ADGRL3: variants seen among roughly 807,000 people sequenced by gnomAD.
ADGRL3 encodes the protein adhesion G protein-coupled receptor L3, also known as calcium-independent alpha-latrotoxin receptor 3.
ADGRL3 carries 62 observed loss-of-function variants against 153.5 expected under a neutral mutation model. The ratio of observed to expected loss-of-function variants is 0.40; its 90% CI spans 0.33 to 0.50. ADGRL3 has a LOEUF of 0.50. ADGRL3 is among the 20% of genes least tolerant of loss of function. The probability of loss-of-function intolerance (pLI) is 0.47; values close to 1 mark genes in which losing one functional copy is unlikely to be tolerated. For missense variants in ADGRL3, 1,641 were observed against 1,859.4 expected, an observed-to-expected ratio of 0.88 and a Z score of 2.16; for synonymous variants, 710 against 672.5, an observed-to-expected ratio of 1.06 and a Z score of -0.86.
chr4:61,515,842 A>T (rs1416677256), intron 3 of ADGRL3, among the ~76,000 whole-genome samples: 1 of 152,180 alleles, frequency 6.6e-6, no homozygotes, highest in African/African-American at 2.4e-5. Context: ...GGGATATCTT[A>T]GGAGCCAAAA....
intron 2 of ADGRL3, among the ~76,000 whole-genome samples, chr4:61,446,453 T>C (rs887815754): frequency 7.2e-5 from 11 of 152,216 alleles, no homozygotes; most frequent in African/African-American, 2.7e-4. Context: ...GTTTTAAGAA[T>C]GTATGGTTCC....
At chr4:61,854,451 C>A (rs182752910) in intron 9 of ADGRL3, among the ~76,000 whole-genome samples, 10 of 152,202 alleles carry the variant, frequency 6.6e-5, no homozygotes, top group Admixed American at 5.2e-4. Flanking sequence ...ACTAAAAGAT[C>A]TCTCATGAAA....
intron 2 of ADGRL3, among the ~76,000 whole-genome samples, chr4:61,408,216 T>C (rs2097029275): frequency 6.6e-6 from 1 of 152,110 alleles, no homozygotes; most frequent in Admixed American, 6.6e-5. Flanking sequence ...TAAAATTGAC[T>C]ATTTAAACTC....
At position 61,488,103 on chromosome 4, in the gene ADGRL3, T is replaced by A. The variant is rs1037606781; in HGVS notation, c.-173-9018T>A. On this transcript the variant is annotated intron_variant, in intron 2 of 26. Transcript: ENST00000683033. ...ATTAATCTATTTCATAGATAATAGA[T>A]GTGCTGCTCTAAAGCCAAAAAATAG... is the stretch of plus-strand genomic sequence containing the variant. Among the ~76,000 whole-genome samples, 11 of 152,056 alleles carry A rather than the reference T, an allele frequency of 7.2e-5. No individual in the cohort carries two copies. The South Asian group carries it at 8.3e-4, about 11-fold the overall frequency.
chr4:61,470,464 CA>C (rs1034434068), intron 2 of ADGRL3, among the ~76,000 whole-genome samples: 6 of 151,896 alleles, frequency 4.0e-5, no homozygotes, highest in Non-Finnish European at 4.4e-5. Context: ...ATTCTTAAAT[CA>C]ATGAAAATAA....
intron 6 of ADGRL3, among the ~76,000 whole-genome samples, chr4:61,688,043 A>G (rs6551644): frequency 0.99 from 151,037 of 152,098 alleles, 75,006 homozygotes; most frequent in Middle Eastern, 1. Flanking sequence ...CATCATCCGA[A>G]TAAGTATAAC....
chr4:61,308,071 G>T (rs1237861747), intron 1 of ADGRL3, among the ~76,000 whole-genome samples: 3 of 152,160 alleles, frequency 2.0e-5, no homozygotes, highest in African/African-American at 7.2e-5. Flanking sequence ...AGCAATACTT[G>T]TCCTAGTTAC....
At chr4:61,284,108 C>T (rs2093830786) in intron 1 of ADGRL3, among the ~76,000 whole-genome samples, 1 of 151,856 alleles carries the variant, frequency 6.6e-6, no homozygotes, top group Non-Finnish European at 1.5e-5. Context: ...TCTTCCATGG[C>T]GTCTTAATTG....
At chr4:61,707,788 T>C (rs576115263) in intron 6 of ADGRL3, among the ~76,000 whole-genome samples, 12 of 152,274 alleles carry the variant, frequency 7.9e-5, no homozygotes, top group East Asian at 1.9e-4. Context: ...GCTTCCACGA[T>C]ATGTAAGACC....
At chr4:61,237,488 C>A (rs1358201580) in intron 1 of ADGRL3, among the ~76,000 whole-genome samples, 1 of 152,090 alleles carries the variant, frequency 6.6e-6, no homozygotes, top group Non-Finnish European at 1.5e-5. Context: ...AAATCTAAAT[C>A]TTTTGTCCCT....
At chr4:61,385,713 A>G (rs1017368550) in intron 2 of ADGRL3, 10 of 152,218 alleles carry the variant, frequency 6.6e-5, no homozygotes, top group African/African-American at 9.6e-5. Flanking sequence ...TTTTGTAAAA[A>G]GGATGATTGC....
intron 9 of ADGRL3, among the ~76,000 whole-genome samples, chr4:61,850,696 G>C (rs779762405): frequency 6.6e-6 from 1 of 151,922 alleles, no homozygotes; most frequent in Non-Finnish European, 1.5e-5. Flanking sequence ...ATTCTATTTC[G>C]GCAGGGCTAT....
rs560590625 is a variant in ADGRL3 at position 61,306,464 on chromosome 4, T to TGTGAGGCCATGTAGGCATTACACTG, written c.-239-76659_-239-76635dup. ...CAGAGTTAAGATGGGGTAGAAATTCTGTGAGGCCATGTAGGCATTACACTG... is the reference window on the plus strand; with the variant it reads ...CAGAGTTAAGATGGGGTAGAAATTCTGTGAGGCCATGTAGGCATTACACTGGTGAGGCCATGTAGGCATTACACTG... On this transcript the variant is annotated intron_variant, in intron 1 of 26. Coordinates refer to ENST00000683033, the MANE Select transcript of ADGRL3 (RefSeq NM_001387552.1). Among the ~76,000 whole-genome samples, 978 of 152,270 alleles carry TGTGAGGCCATGTAGGCATTACACTG rather than the reference T, an allele frequency of 6.4e-3. 7 individuals carry two copies. The highest frequency in any genetic ancestry group is 7.4e-3 in the Non-Finnish European group (505 of 68,014).
intron 6 of ADGRL3, among the ~76,000 whole-genome samples, chr4:61,717,800 G>A (rs562107778): frequency 7.2e-5 from 11 of 152,140 alleles, no homozygotes; most frequent in Non-Finnish European, 1.5e-4. Flanking sequence ...TTGGGAGGCC[G>A]AGGCACGCAG....
At chr4:61,484,692 T>A (rs2098170140) in intron 2 of ADGRL3, among the ~76,000 whole-genome samples, 1 of 152,204 alleles carries the variant, frequency 6.6e-6, no homozygotes, top group Admixed American at 6.5e-5. Flanking sequence ...TACTAAGTTA[T>A]ATGCATTTTA....
intron 8 of ADGRL3, among the ~76,000 whole-genome samples, chr4:61,754,485 G>C (rs1262843062): frequency 6.6e-6 from 1 of 151,804 alleles, no homozygotes; most frequent in African/African-American, 2.4e-5. Context: ...AATCAAAAAA[G>C]TAATTTAAAA....
chr4:61,442,583 C>T (rs2152475625), intron 2 of ADGRL3, among the ~76,000 whole-genome samples: 1 of 151,976 alleles, frequency 6.6e-6, no homozygotes, highest in African/African-American at 2.4e-5. Flanking sequence ...AGGAAGAAGG[C>T]AGTTATGAGG....
At chr4:61,842,868 C>T (rs1480135354) in intron 9 of ADGRL3, among the ~76,000 whole-genome samples, 1 of 152,126 alleles carries the variant, frequency 6.6e-6, no homozygotes, top group Non-Finnish European at 1.5e-5. Flanking sequence ...ATAGTCTACA[C>T]TGAAGATGAT....
chr4:61,434,979 C>G (rs1321799525), intron 2 of ADGRL3, among the ~76,000 whole-genome samples: 3 of 152,004 alleles, frequency 2.0e-5, no homozygotes, highest in East Asian at 3.8e-4. Context: ...AAATATCACT[C>G]AAGTTCTATG....
Sources: gnomAD v4.1 joint callset for allele counts (sites outside exome capture counted in the v4.1 genomes callset) on GRCh38, gnomAD v4.1.1 for gene constraint, MANE v1.5 for transcripts, NCBI Gene and HGNC (gene_info 2026-07-23, HGNC 2026-07-21) for gene names.